COX7B2: variants seen among roughly 807,000 people sequenced by gnomAD.
COX7B2 encodes the protein cytochrome c oxidase subunit 7B2, mitochondrial.
For missense variants in COX7B2, 109 were observed against 95.9 expected, an observed-to-expected ratio of 1.14 and a Z score of -0.57; for synonymous variants, 37 against 32.1, an observed-to-expected ratio of 1.15 and a Z score of -0.51.
chr4:46,804,856 G>C (rs1201194214), intron 2 of COX7B2, among the ~76,000 whole-genome samples: 1 of 152,224 alleles, frequency 6.6e-6, no homozygotes, highest in Non-Finnish European at 1.5e-5. Context: ...GGTGGTTGAT[G>C]GGACTGGGCA....
chr4:46,804,195 C>T (rs1215311476), intron 2 of COX7B2, among the ~76,000 whole-genome samples: 4 of 152,032 alleles, frequency 2.6e-5, no homozygotes, highest in South Asian at 2.1e-4. Context: ...AGAGTGAAGC[C>T]GCAGACCTTC....
At chr4:46,775,616 T>C (rs994877259) in intron 2 of COX7B2, among the ~76,000 whole-genome samples, 1 of 152,082 alleles carries the variant, frequency 6.6e-6, no homozygotes, top group Admixed American at 6.6e-5. Flanking sequence ...ATAATGTCTT[T>C]TTCTCCACAA....
intron 1 of COX7B2, among the ~76,000 whole-genome samples, chr4:46,894,966 T>A (rs1157082568): frequency 2.0e-5 from 3 of 152,136 alleles, no homozygotes; most frequent in Non-Finnish European, 4.4e-5. Flanking sequence ...GCTATTTTTT[T>A]AAAGTTGAAA....
intron 2 of COX7B2, among the ~76,000 whole-genome samples, chr4:46,827,341 T>A (rs1014187375): frequency 6.6e-6 from 1 of 151,426 alleles, no homozygotes; most frequent in East Asian, 1.9e-4. Context: ...AAGCTACAGA[T>A]AGAGAATCTT....
intron 2 of COX7B2, among the ~76,000 whole-genome samples, chr4:46,764,830 G>T (rs965820985): frequency 6.6e-6 from 1 of 150,944 alleles, no homozygotes; most frequent in Admixed American, 6.6e-5. Flanking sequence ...AACATAAAGA[G>T]AAAAGAATCA....
At chr4:46,748,393 A>G (rs1192242927) in intron 2 of COX7B2, among the ~76,000 whole-genome samples, 2 of 152,344 alleles carry the variant, frequency 1.3e-5, no homozygotes, top group African/African-American at 4.8e-5. Flanking sequence ...ACTTTAGGCT[A>G]AAACAGCAAT....
intron 2 of COX7B2, among the ~76,000 whole-genome samples, chr4:46,776,164 TAGAC>T (rs1389361951): frequency 6.6e-6 from 1 of 152,046 alleles, no homozygotes; most frequent in Non-Finnish European, 1.5e-5. Context: ...GATTATCTAG[TAGAC>T]AGACAAAGTC....
In COX7B2 at chr4:46,830,048, G is replaced by A. The variant is rs183215117; in HGVS notation, c.-50+14912C>T. On this transcript the variant is annotated intron_variant, in intron 2 of 2. Coordinates refer to ENST00000355591, the MANE Select transcript of COX7B2 (RefSeq NM_130902.3). ...GATACTATAAAAATGGATAGAGGCC[G>A]GGCGCGGTGGCTCACGCATGTAATC... Among the ~76,000 whole-genome samples, 681 of 152,162 alleles carry A rather than the reference G, an allele frequency of 4.5e-3. 6 individuals carry two copies. Among genetic ancestry groups the A allele is most frequent in the African/African-American group, 0.016 (656 of 41,520 alleles).
At chr4:46,749,726 A>G (rs911080468) in intron 2 of COX7B2, among the ~76,000 whole-genome samples, 13 of 152,166 alleles carry the variant, frequency 8.5e-5, no homozygotes, top group Admixed American at 8.5e-4. Flanking sequence ...ATACTTTTTC[A>G]CTGATGAGAT....
chr4:46,738,494 C>T (rs960274461), intron 2 of COX7B2, among the ~76,000 whole-genome samples: 4 of 151,928 alleles, frequency 2.6e-5, no homozygotes, highest in Non-Finnish European at 1.5e-5. Context: ...TTTTCCTTGT[C>T]GGCATCAGCT....
chr4:46,898,299 C>T (rs17598832), intron 1 of COX7B2, among the ~76,000 whole-genome samples: 36,964 of 152,096 alleles, frequency 0.24, 4,707 homozygotes, highest in East Asian at 0.29. Flanking sequence ...CTTTGGACTC[C>T]TCTTCTGAAT....
At chr4:46,782,846 G>A (rs1231152580) in intron 2 of COX7B2, among the ~76,000 whole-genome samples, 2 of 152,120 alleles carry the variant, frequency 1.3e-5, no homozygotes, top group South Asian at 4.1e-4. Flanking sequence ...CCAGAAGGAA[G>A]AAACTCCGGA....
chr4:46,854,514 A>G (rs1745646545), intron 1 of COX7B2, among the ~76,000 whole-genome samples: 1 of 152,204 alleles, frequency 6.6e-6, no homozygotes, highest in Admixed American at 6.6e-5. Context: ...TCACTGCTGA[A>G]AGTTCTATTG....
chr4:46,769,723 A>C (rs1000234571), intron 2 of COX7B2, among the ~76,000 whole-genome samples: 1 of 152,214 alleles, frequency 6.6e-6, no homozygotes, highest in Non-Finnish European at 1.5e-5. Context: ...TTAAGAAAAG[A>C]AAAACAAAAA....
intron 2 of COX7B2, among the ~76,000 whole-genome samples, chr4:46,828,551 G>T (rs1205078981): frequency 1.3e-5 from 2 of 152,052 alleles, no homozygotes; most frequent in Admixed American, 6.6e-5. Flanking sequence ...ACCTTCCACT[G>T]GTAATACTAG....
intron 2 of COX7B2, among the ~76,000 whole-genome samples, chr4:46,842,479 C>A (rs1038592295): frequency 1.3e-5 from 2 of 151,940 alleles, no homozygotes; most frequent in Non-Finnish European, 2.9e-5. Flanking sequence ...TATACATGTG[C>A]CATGCTGATG....
At chr4:46,786,765 G>C (rs1449585105) in intron 2 of COX7B2, among the ~76,000 whole-genome samples, 2 of 152,156 alleles carry the variant, frequency 1.3e-5, no homozygotes, top group African/African-American at 2.4e-5. Flanking sequence ...AAAGTAGCAA[G>C]GTAGGGATGC....
At chr4:46,747,362 G>A (rs1715085870) in intron 2 of COX7B2, among the ~76,000 whole-genome samples, 1 of 151,904 alleles carries the variant, frequency 6.6e-6, no homozygotes, top group South Asian at 2.1e-4. Flanking sequence ...GGAGGGCAAT[G>A]GTGCAATCTC....
chr4:46,795,247 T>A (rs1356612389), intron 2 of COX7B2, among the ~76,000 whole-genome samples: 2 of 111,356 alleles, frequency 1.8e-5, no homozygotes, highest in Non-Finnish European at 3.5e-5. Flanking sequence ...CCATTGCTTT[T>A]GGTGTTTTGG....
Sources: gnomAD v4.1 joint callset for allele counts (sites outside exome capture counted in the v4.1 genomes callset) on GRCh38, gnomAD v4.1.1 for gene constraint, MANE v1.5 for transcripts, NCBI Gene and HGNC (gene_info 2026-07-23, HGNC 2026-07-21) for gene names.